Variants in VSTM1 observed in about 807,000 individuals in gnomAD.
VSTM1 encodes V-set and transmembrane domain containing 1, also known as V-set and transmembrane domain-containing protein 1.
A neutral mutation model predicts 33.1 loss-of-function variants in VSTM1; 27 were observed. That is an observed-to-expected ratio of 0.82 (90% CI 0.60 to 1.12). The LOEUF is 1.12. VSTM1 is among the 50% of genes most tolerant of loss of function. The pLI is 0.00. For missense variants in VSTM1, 304 were observed against 288.9 expected, an observed-to-expected ratio of 1.05 and a Z score of -0.38; for synonymous variants, 115 against 110.3, an observed-to-expected ratio of 1.04 and a Z score of -0.27.
At chr19:54,043,094 T>C (rs1412109230) in intron 4 of VSTM1, among the ~76,000 whole-genome samples, 1 of 151,954 alleles carries the variant, frequency 6.6e-6, no homozygotes, top group Non-Finnish European at 1.5e-5. Context: ...CTTCCAAGCC[T>C]GGATCTCCCA....
intron 3 of VSTM1, among the ~76,000 whole-genome samples, chr19:54,052,212 C>T (rs1297831636): frequency 6.6e-6 from 1 of 150,944 alleles, no homozygotes; most frequent in African/African-American, 2.4e-5. Flanking sequence ...TCCTGGCTAA[C>T]ATGGTGAAAC....
Position 54,058,465 on chromosome 19 carries a change from A to C in VSTM1, c.196T>G (p.Ser66Ala). ...GAGCTCTGTTCCTGCTTGTACCCAG[A>C]GTCGTTCACCTTGCGCAGCACAAAT... ...VTFVLRKVND[S>A]GYKQEQSSAE... The change falls in exon 3 of 9, where the codon TCT (serine) becomes GCT (alanine). Residue 66 changes from serine to alanine, a missense_variant. By Grantham distance (99) the Ser-to-Ala change is moderately conservative (BLOSUM62 1). Transcript: ENST00000338372. 6.2e-7 allele frequency: 1 copy of C among 1,613,984 alleles called. No homozygotes were observed. The highest frequency in any genetic ancestry group is 8.5e-7 in the Non-Finnish European group (1 of 1,180,000).
intron 8 of VSTM1, among the ~76,000 whole-genome samples, 183 bp downstream of exon 8, chr19:54,041,596 C>T (rs778444676): frequency 3.3e-5 from 5 of 152,146 alleles, no homozygotes; most frequent in Non-Finnish European, 5.9e-5. Flanking sequence ...CCACCGCGCC[C>T]GGCCCATGCA....
At chr19:54,059,291 C>T (rs1487888212) in intron 1 of VSTM1, among the ~76,000 whole-genome samples, 1 of 151,756 alleles carries the variant, frequency 6.6e-6, no homozygotes, top group African/African-American at 2.4e-5. Flanking sequence ...GAACTCCTGA[C>T]CTCAGGTGAT....
At chr19:54,047,563 G>T (rs2070657612) in intron 4 of VSTM1, among the ~76,000 whole-genome samples, 1 of 151,992 alleles carries the variant, frequency 6.6e-6, no homozygotes, top group South Asian at 2.1e-4. Context: ...CAAAGTGCTG[G>T]GATTACATAA....
At chr19:54,046,812 G>C (rs1457859792) in intron 4 of VSTM1, among the ~76,000 whole-genome samples, 1 of 152,118 alleles carries the variant, frequency 6.6e-6, no homozygotes, top group East Asian at 1.9e-4. Context: ...CTTTCTGCAG[G>C]ATGGAGCCAA....
Position 54,058,509 on chromosome 19 carries a change from G to A in VSTM1, c.152C>T (p.Ala51Val). 1.2e-6 allele frequency: 2 copies of A among 1,614,046 alleles called. No homozygotes were observed. Among genetic ancestry groups the A allele is most frequent in the Non-Finnish European group, 1.7e-6 (2 of 1,179,960 alleles). Residue 51 changes from alanine to valine, a missense_variant, in exon 3 of 9, where the codon GCT becomes GTT. Transcript: ENST00000338372. ...CACAAATGTCACATTCTGGGAATGA[G>A]CCTGACACTTCAGGGTCACATTGCT... ...AESNVTLKCQAHSQNVTFVLR... is the reference protein window; with the variant it reads ...AESNVTLKCQVHSQNVTFVLR...
chr19:54,047,487 T>C (rs1368369061), intron 4 of VSTM1, among the ~76,000 whole-genome samples: 3 of 152,026 alleles, frequency 2.0e-5, no homozygotes, highest in African/African-American at 7.2e-5. Context: ...AGAGATGAGG[T>C]TTCACCATGT....
At position 54,054,480 on chromosome 19, in the gene VSTM1, TAA is replaced by T. The variant is rs1479388109; in HGVS notation, c.356-3034_356-3033del. Among the ~76,000 whole-genome samples the T allele has an allele frequency of 5.6e-5, 8 of 142,872 alleles. No homozygotes were observed. In the East Asian group the frequency reaches 1.6e-3, roughly 28 times the overall value. The allele number at this position is 142,872 out of a possible 152,430, so 93.7% of individuals were successfully genotyped here. A position where few individuals can be genotyped will look rare whatever the true frequency, so the allele number is the denominator to read the frequency against. On this transcript the variant is annotated intron_variant, in intron 3 of 8. Transcript: ENST00000338372. ...TACTCATCATGCCCCAAGCCCAGGCTAAGTCATTGGTGTGGACCCACGGCTAC... is the reference window on the plus strand; with the variant it reads ...TACTCATCATGCCCCAAGCCCAGGCTGTCATTGGTGTGGACCCACGGCTAC...
chr19:54,063,295 G>A lies in VSTM1; in HGVS notation c.34+449C>T, dbSNP rs551132111. Among the ~76,000 whole-genome samples, 19 of 152,044 alleles carry A rather than the reference G, an allele frequency of 1.2e-4. No homozygotes were observed. In the South Asian group the frequency reaches 3.3e-3, roughly 27 times the overall value. On this transcript the variant is annotated intron_variant, in intron 1 of 8. Coordinates refer to ENST00000338372, the MANE Select transcript of VSTM1 (RefSeq NM_198481.4). ...GGAGGTTGCAGTGAGCCCAGATCAC[G>A]CCATTGCACTCCAGCCTGGGCTACA...
intron 4 of VSTM1, among the ~76,000 whole-genome samples, chr19:54,050,215 T>C (rs141155213): frequency 0.017 from 2,527 of 151,878 alleles, 69 homozygotes; most frequent in African/African-American, 0.058. Flanking sequence ...CCCAGGCTGG[T>C]TTCGAACTCC....
chr19:54,048,911 C>G (rs1230931247), intron 4 of VSTM1, among the ~76,000 whole-genome samples: 1 of 152,008 alleles, frequency 6.6e-6, no homozygotes, highest in Non-Finnish European at 1.5e-5. Context: ...TGGTGAAACC[C>G]CCTCTCTACT....
chr19:54,043,817 G>GGA (rs1167359305), intron 4 of VSTM1, among the ~76,000 whole-genome samples: 1 of 151,962 alleles, frequency 6.6e-6, no homozygotes, highest in East Asian at 1.9e-4. Context: ...TTTTTTTAAA[G>GGA]GAGAGAGAGA....
intron 4 of VSTM1, among the ~76,000 whole-genome samples, chr19:54,042,837 T>TATATATATATAC (rs1320221580): frequency 1.4e-3 from 94 of 66,394 alleles, no homozygotes; most frequent in African/African-American, 2.6e-3. Flanking sequence ...TATATATATA[T>TATATATATATAC]ACATATATAT....
chr19:54,040,978 C>T lies in VSTM1; in HGVS notation c.694G>A (p.Ala232Thr), dbSNP rs908103813. 2 of 1,610,530 alleles carry T rather than the reference C, an allele frequency of 1.2e-6. No individual in the cohort carries two copies. Among genetic ancestry groups the T allele is most frequent in the Admixed American group, 1.7e-5 (1 of 59,576 alleles). ...TCTTCTTGCTACACTTTCAGTGCCG[C>T]ATATTCATGAGATCCTGGGGGCTCC... ...TQEPPGSHEY[A>T]ALKV The change falls in exon 9 of 9, where the codon GCG becomes ACG. Residue 232 changes from alanine to threonine, a missense_variant. Transcript: ENST00000338372.
At chr19:54,041,591 G>A (rs1262496696) in intron 8 of VSTM1, among the ~76,000 whole-genome samples, 188 bp downstream of exon 8, 4 of 152,118 alleles carry the variant, frequency 2.6e-5, no homozygotes, top group African/African-American at 9.7e-5. Context: ...GTGAGCCACC[G>A]CGCCCGGCCC....
At position 54,040,930 on chromosome 19, in the gene VSTM1, C is replaced by G. The variant is rs2070222272; in HGVS notation, c.*31G>C. The G allele has an allele frequency of 1.2e-6, 2 of 1,603,772 alleles. No homozygotes were observed. The highest frequency in any genetic ancestry group is 1.7e-6 in the Non-Finnish European group (2 of 1,175,530). ...CGATAACCTTGGCCAGCACGATCCC[C>G]CCTCCTTTAGTGGCCAGGGCTGTCT... On this transcript the variant is annotated 3_prime_UTR_variant, in exon 9 of 9. Coordinates refer to ENST00000338372, the MANE Select transcript of VSTM1 (RefSeq NM_198481.4).
chr19:54,042,217 A>AT (rs752413365), intron 5 of VSTM1, 21 bp from the exon 6 acceptor site: 1 of 1,613,948 alleles, frequency 6.2e-7, no homozygotes, highest in East Asian at 2.2e-5. Context: ...TGCAGGAGGA[A>AT]TTTACCTACC....
chr19:54,047,714 G>A (rs1374973319), intron 4 of VSTM1, among the ~76,000 whole-genome samples: 1 of 152,160 alleles, frequency 6.6e-6, no homozygotes, highest in Non-Finnish European at 1.5e-5. Context: ...TGTCCTTTCT[G>A]TTCTCCCCTT....
Sources: gnomAD v4.1 joint callset for allele counts (sites outside exome capture counted in the v4.1 genomes callset) on GRCh38, gnomAD v4.1.1 for gene constraint, MANE v1.5 for transcripts, NCBI Gene and HGNC (gene_info 2026-07-23, HGNC 2026-07-21) for gene names.